Variants in PRELID2 observed in about 807,000 individuals in gnomAD.
PRELID2 encodes PRELI domain containing 2.
Under a neutral mutation model 28.4 loss-of-function variants are expected in PRELID2, and 25 were observed. The observed-to-expected ratio is 0.88, with a 90% CI of 0.64 to 1.23. The LOEUF (loss-of-function observed/expected upper bound fraction) is 1.23. Ranked by LOEUF, PRELID2 falls within the 50% of genes most tolerant of loss-of-function variation. PRELID2 has a pLI of 0.00. For missense variants in PRELID2, 201 were observed against 214.4 expected (o/e 0.94, Z 0.39); for synonymous variants, 76 against 71.6 (o/e 1.06, Z -0.31).
At chr5:145,708,008 T>C (rs1755593051) in intron 1 of PRELID2, among the ~76,000 whole-genome samples, 1 of 152,192 alleles carries the variant, frequency 6.6e-6, no homozygotes, top group Non-Finnish European at 1.5e-5. Context: ...TAAATACCTG[T>C]TGAATAAATA....
intron 5 of PRELID2, among the ~76,000 whole-genome samples, chr5:145,793,722 G>GAACC (rs1752550447): frequency 6.6e-6 from 1 of 152,146 alleles, no homozygotes; most frequent in Admixed American, 6.5e-5. Context: ...AACCAACTGT[G>GAACC]AACCTCCCTG....
At chr5:145,809,733 GACA>G (rs1423989497) in intron 4 of PRELID2, among the ~76,000 whole-genome samples, 2 of 152,248 alleles carry the variant, frequency 1.3e-5, no homozygotes, top group Non-Finnish European at 2.9e-5. Context: ...AACCCGGTTT[GACA>G]ACATCGTGAA....
intron 1 of PRELID2, among the ~76,000 whole-genome samples, chr5:145,623,807 C>A (rs995348366): frequency 6.6e-6 from 1 of 152,144 alleles, no homozygotes; most frequent in African/African-American, 2.4e-5. Flanking sequence ...TTTCCAACAG[C>A]GCTCCCCAAC....
At chr5:145,235,304 T>A in the PRELID2 span, among the ~76,000 whole-genome samples, 4 of 152,138 alleles carry the variant, frequency 2.6e-5, no homozygotes, top group Non-Finnish European at 5.9e-5. Context: ...TTGTAGCATG[T>A]TCTTTTATTT....
At chr5:145,654,428 T>C (rs1182818178) in intron 1 of PRELID2, among the ~76,000 whole-genome samples, 1 of 152,092 alleles carries the variant, frequency 6.6e-6, no homozygotes, top group Admixed American at 6.6e-5. Context: ...TAACAAAACC[T>C]GACAGAGACA....
intron 1 of PRELID2, among the ~76,000 whole-genome samples, chr5:145,500,009 G>A (rs1157094534): frequency 1.3e-5 from 2 of 152,120 alleles, no homozygotes; most frequent in African/African-American, 2.4e-5. Flanking sequence ...TTAACCTCCT[G>A]GTGCTTTCCA....
the PRELID2 span, among the ~76,000 whole-genome samples, chr5:145,263,332 G>T: frequency 6.6e-6 from 1 of 151,936 alleles, no homozygotes; most frequent in African/African-American, 2.4e-5. Flanking sequence ...TGGAAAAAAT[G>T]GACTTAACAG....
the PRELID2 span, among the ~76,000 whole-genome samples, chr5:145,390,697 C>A: frequency 6.6e-6 from 1 of 152,168 alleles, no homozygotes; most frequent in Non-Finnish European, 1.5e-5. Flanking sequence ...CCCTTTCTAA[C>A]AAGCTCCCAA....
intron 1 of PRELID2, among the ~76,000 whole-genome samples, chr5:145,692,855 T>A (rs1242028851): frequency 6.6e-6 from 1 of 152,230 alleles, no homozygotes; most frequent in Non-Finnish European, 1.5e-5. Flanking sequence ...TGAATTTTTA[T>A]CCTGAATTTT....
the PRELID2 span, among the ~76,000 whole-genome samples, chr5:145,408,670 G>GA: frequency 1.3e-5 from 2 of 151,706 alleles, no homozygotes; most frequent in Non-Finnish European, 2.9e-5. Context: ...AAAAGACAAA[G>GA]AAAAAAGCAA....
intron 1 of PRELID2, among the ~76,000 whole-genome samples, chr5:145,474,347 T>C (rs1281446431): frequency 6.6e-6 from 1 of 152,170 alleles, no homozygotes; most frequent in Non-Finnish European, 1.5e-5. Context: ...TTTATAAAAC[T>C]AGAAAAGACA....
At chr5:145,741,400 A>AAATAAATTATTTATT (rs1756734130) in intron 1 of PRELID2, among the ~76,000 whole-genome samples, 2 of 105,174 alleles carry the variant, frequency 1.9e-5, no homozygotes, top group African/African-American at 8.5e-5. Flanking sequence ...ATTTATATAT[A>AAATAAATTATTTATT]AACAAAATTT....
intron 1 of PRELID2, among the ~76,000 whole-genome samples, chr5:145,529,509 G>A (rs543337733): frequency 5.3e-5 from 8 of 152,086 alleles, no homozygotes; most frequent in South Asian, 2.1e-4. Flanking sequence ...GAATTATCTT[G>A]AGAATCGTGA....
chr5:145,620,485 G>T (rs927076840), intron 1 of PRELID2, among the ~76,000 whole-genome samples: 2 of 152,156 alleles, frequency 1.3e-5, no homozygotes, highest in South Asian at 4.1e-4. Flanking sequence ...GGGATGCTAC[G>T]CATGTGAGGG....
In PRELID2 at chr5:145,835,265, G is replaced by A; in HGVS notation, c.-14C>T. Reference sequence around the variant, plus strand: ...CGAGACCCCCATCCCCGCGCGCCGCGGGCCCCGCGCACCGGCCACGCCTCC... The same window carrying A: ...CGAGACCCCCATCCCCGCGCGCCGCAGGCCCCGCGCACCGGCCACGCCTCC... On this transcript the variant is annotated 5_prime_UTR_variant, in exon 1 of 7. Transcript: ENST00000683046. 4 of 1,540,932 alleles carry A rather than the reference G, an allele frequency of 2.6e-6. No homozygotes were observed. The highest frequency in any genetic ancestry group is 1.4e-5 in the African/African-American group (1 of 72,618).
At chr5:145,245,706 G>A in the PRELID2 span, among the ~76,000 whole-genome samples, 11 of 152,180 alleles carry the variant, frequency 7.2e-5, no homozygotes, top group Admixed American at 6.6e-4. Context: ...AAGTTCAGTG[G>A]ATTCAAGCAG....
chr5:145,754,491 T>G (rs1204905190), downstream of PRELID2: 1 of 152,206 alleles, frequency 6.6e-6, no homozygotes, highest in Non-Finnish European at 1.5e-5. Context: ...TCATGGAAAA[T>G]GCATATTATG....
intron 1 of PRELID2, among the ~76,000 whole-genome samples, chr5:145,521,979 A>G (rs1323570298): frequency 6.6e-6 from 1 of 152,220 alleles, no homozygotes; most frequent in East Asian, 1.9e-4. Flanking sequence ...TTTCTCTACC[A>G]GTGAAAGAAA....
At chr5:145,419,647 T>C in the PRELID2 span, among the ~76,000 whole-genome samples, 2 of 151,832 alleles carry the variant, frequency 1.3e-5, no homozygotes, top group Non-Finnish European at 1.5e-5. Context: ...GTCAGATGAG[T>C]AGGTTGCGAA....
Sources: gnomAD v4.1 joint callset for allele counts (sites outside exome capture counted in the v4.1 genomes callset) on GRCh38, gnomAD v4.1.1 for gene constraint, MANE v1.5 for transcripts, NCBI Gene and HGNC (gene_info 2026-07-23, HGNC 2026-07-21) for gene names.